The following GALNT13 variants were observed in gnomAD, a reference collection of about 807,000 sequenced individuals.
The protein encoded by GALNT13 is polypeptide N-acetylgalactosaminyltransferase 13, also known as UDP-GalNAc:polypeptide N-acetylgalactosaminyltransferase 13.
Under a neutral mutation model 64.2 loss-of-function variants are expected in GALNT13, and 28 were observed. The observed-to-expected ratio is 0.44, with a 90% CI of 0.32 to 0.60. The LOEUF (loss-of-function observed/expected upper bound fraction) is 0.60, where lower values mean the gene tolerates loss of function less well. Ranked by LOEUF, GALNT13 falls within the 20% of genes least tolerant of loss-of-function variation. The probability of loss-of-function intolerance (pLI) is 0.05; values close to 1 mark genes in which losing one functional copy is unlikely to be tolerated. For synonymous variants in GALNT13, 214 were observed against 224.6 expected (o/e 0.95, Z 0.42); for missense variants, 577 against 669.8 (o/e 0.86, Z 1.53).
At chr2:153,985,210 A>G (rs548760688) in intron 3 of GALNT13, among the ~76,000 whole-genome samples, 2 of 152,160 alleles carry the variant, frequency 1.3e-5, no homozygotes, top group Admixed American at 6.6e-5. Flanking sequence ...AAATATGCCT[A>G]TTATTTGTAA....
intron 3 of GALNT13, among the ~76,000 whole-genome samples, chr2:154,023,969 G>T (rs1217433929): frequency 3.9e-5 from 6 of 152,172 alleles, no homozygotes; most frequent in Admixed American, 1.3e-4. Flanking sequence ...AGTTTGGCTG[G>T]ATATGAGATT....
intron 11 of GALNT13, among the ~76,000 whole-genome samples, chr2:154,424,001 T>C (rs1700366525): frequency 6.6e-6 from 1 of 152,052 alleles, no homozygotes; most frequent in Non-Finnish European, 1.5e-5. Flanking sequence ...ATTAGAAAAA[T>C]TCAAACTGAG....
intron 3 of GALNT13, among the ~76,000 whole-genome samples, chr2:154,041,279 ATAT>A (rs1558925635): frequency 1.4e-5 from 2 of 140,656 alleles, no homozygotes; most frequent in African/African-American, 4.9e-5. Context: ...TTTTTAGACT[ATAT>A]TATTTTGCTT....
chr2:154,183,492 C>T (rs1686078779), intron 4 of GALNT13, among the ~76,000 whole-genome samples: 2 of 152,072 alleles, frequency 1.3e-5, no homozygotes, highest in Non-Finnish European at 1.5e-5. Context: ...CGGTTGATTG[C>T]TTGAGCCTGG....
the GALNT13 span, among the ~76,000 whole-genome samples, chr2:153,746,708 A>C: frequency 6.6e-6 from 1 of 152,140 alleles, no homozygotes; most frequent in Non-Finnish European, 1.5e-5. Context: ...CCAAATAGGC[A>C]GGGCTTGAGA....
chr2:153,562,058 CTCTGTGTG>C, the GALNT13 span, among the ~76,000 whole-genome samples: 24 of 87,154 alleles, frequency 2.8e-4, no homozygotes, highest in African/African-American at 9.9e-4. Flanking sequence ...CTCTCTCTCT[CTCTGTGTG>C]TGTGTGTGTG....
the GALNT13 span, among the ~76,000 whole-genome samples, chr2:153,330,745 A>G: frequency 6.6e-6 from 1 of 152,082 alleles, no homozygotes; most frequent in South Asian, 2.1e-4. Context: ...TGACATCTTC[A>G]TTTCCCATTC....
At chr2:153,670,325 C>T in the GALNT13 span, among the ~76,000 whole-genome samples, 3 of 152,144 alleles carry the variant, frequency 2.0e-5, no homozygotes, top group East Asian at 5.8e-4. Context: ...GTGGTTGCCT[C>T]TCTGGGACGA....
intron 2 of GALNT13, among the ~76,000 whole-genome samples, chr2:153,929,955 A>C (rs1349456674): frequency 6.6e-6 from 1 of 152,188 alleles, no homozygotes; most frequent in Non-Finnish European, 1.5e-5. Flanking sequence ...ACTAATTTAC[A>C]GTCTTATTAG....
the GALNT13 span, among the ~76,000 whole-genome samples, chr2:153,585,061 T>C: frequency 6.6e-6 from 1 of 152,084 alleles, no homozygotes; most frequent in African/African-American, 2.4e-5. Context: ...TCTCAAGCAA[T>C]AGATCCTAAC....
At chr2:154,016,297 CTTCA>C (rs1397082595) in intron 3 of GALNT13, among the ~76,000 whole-genome samples, 1 of 152,106 alleles carries the variant, frequency 6.6e-6, no homozygotes, top group Non-Finnish European at 1.5e-5. Context: ...ATTTTGAATT[CTTCA>C]TTCATAAACA....
the GALNT13 span, among the ~76,000 whole-genome samples, chr2:153,685,080 C>T: frequency 6.6e-6 from 1 of 151,780 alleles, no homozygotes; most frequent in East Asian, 1.9e-4. Context: ...AAGTTGATTC[C>T]ATGTCTTCGC....
the GALNT13 span, among the ~76,000 whole-genome samples, chr2:153,772,079 A>T: frequency 9.9e-5 from 15 of 152,242 alleles, no homozygotes; most frequent in African/African-American, 3.6e-4. Context: ...GACTGGAGAG[A>T]GCTGATTCCA....
At chr2:154,345,079 A>G (rs1029510716) in intron 9 of GALNT13, among the ~76,000 whole-genome samples, 1 of 151,986 alleles carries the variant, frequency 6.6e-6, no homozygotes, top group African/African-American at 2.4e-5. Flanking sequence ...TTGAGACAAC[A>G]AGGACAGAAA....
chr2:154,024,061 TC>T (rs1331170445), intron 3 of GALNT13, among the ~76,000 whole-genome samples: 1 of 152,192 alleles, frequency 6.6e-6, no homozygotes, highest in African/African-American at 2.4e-5. Flanking sequence ...TGCCGAGAGA[TC>T]AGCTGTTAGT....
chr2:153,582,235 C>T, the GALNT13 span, among the ~76,000 whole-genome samples: 1 of 152,072 alleles, frequency 6.6e-6, no homozygotes, highest in African/African-American at 2.4e-5. Flanking sequence ...ATTCTTAAGC[C>T]ACTAATTGCA....
At chr2:153,165,391 AAT>A in the GALNT13 span, among the ~76,000 whole-genome samples, 1 of 152,176 alleles carries the variant, frequency 6.6e-6, no homozygotes, top group Non-Finnish European at 1.5e-5. Context: ...TTACTCCTTA[AAT>A]AAAAACATTC....
At chr2:153,635,930 C>T in the GALNT13 span, among the ~76,000 whole-genome samples, 1 of 151,870 alleles carries the variant, frequency 6.6e-6, no homozygotes. Flanking sequence ...AGAGAAAATG[C>T]CTTGTTTGAA....
the GALNT13 span, among the ~76,000 whole-genome samples, chr2:153,598,125 A>G: frequency 6.6e-6 from 1 of 152,140 alleles, no homozygotes; most frequent in East Asian, 1.9e-4. Context: ...AAAACAGATC[A>G]TACCACTCTT....
Sources: gnomAD v4.1 joint callset for allele counts (sites outside exome capture counted in the v4.1 genomes callset) on GRCh38, gnomAD v4.1.1 for gene constraint, MANE v1.5 for transcripts, NCBI Gene and HGNC (gene_info 2026-07-23, HGNC 2026-07-21) for gene names.